Variants in POLD1 observed in about 807,000 individuals in gnomAD.
The protein encoded by POLD1 is DNA polymerase delta catalytic subunit.
POLD1 carries 79 observed loss-of-function variants against 129.7 expected under a neutral mutation model. The ratio of observed to expected loss-of-function variants is 0.61; its 90% CI spans 0.51 to 0.73. POLD1 has a LOEUF of 0.73. Among genes scored for constraint, POLD1 ranks in the 30% least tolerant of loss-of-function variants. The pLI is 0.00. For synonymous variants in POLD1, 714 were observed against 683.3 expected, an observed-to-expected ratio of 1.04 and a Z score of -0.70; for missense variants, 1,338 against 1,595.8, an observed-to-expected ratio of 0.84 and a Z score of 2.75.
At chr19:50,411,253 A>C (rs1350139347) in intron 17 of POLD1, among the ~76,000 whole-genome samples, 1 of 152,202 alleles carries the variant, frequency 6.6e-6, no homozygotes, top group Non-Finnish European at 1.5e-5. Flanking sequence ...GCACAAAGTG[A>C]ATCGCTCACT....
At chr19:50,403,982 G>A (rs904988624) in intron 10 of POLD1, among the ~76,000 whole-genome samples, 4 of 152,144 alleles carry the variant, frequency 2.6e-5, no homozygotes, top group Admixed American at 2.6e-4. Flanking sequence ...GCAAATTCCG[G>A]ATGCTTCTTG....
chr19:50,391,873 A>G (rs1229941033), intron 1 of POLD1, among the ~76,000 whole-genome samples: 1 of 150,460 alleles, frequency 6.6e-6, no homozygotes. Flanking sequence ...CCACCATGAC[A>G]AGCTAATTTT....
chr19:50,404,092 G>A (rs574330123), intron 10 of POLD1, among the ~76,000 whole-genome samples: 15 of 152,220 alleles, frequency 9.9e-5, no homozygotes, highest in South Asian at 4.1e-4. Context: ...TTGTCTCACC[G>A]TCCTGAAGGC....
chr19:50,411,072 G>A (rs530607446), intron 17 of POLD1: 5 of 150,016 alleles, frequency 3.3e-5, no homozygotes, highest in Non-Finnish European at 4.4e-5. Context: ...AGCCTCCCAC[G>A]TTAGCCTCCC....
intron 1 of POLD1, among the ~76,000 whole-genome samples, chr19:50,396,786 T>C (rs894362481): frequency 6.6e-6 from 1 of 152,090 alleles, no homozygotes; most frequent in African/African-American, 2.4e-5. Context: ...CAAAATAATC[T>C]TTTATAGGTT....
intron 1 of POLD1, among the ~76,000 whole-genome samples, chr19:50,389,096 G>A (rs1231524260): frequency 1.3e-5 from 2 of 151,122 alleles, no homozygotes; most frequent in Non-Finnish European, 2.9e-5. Flanking sequence ...CTCCCAGAGT[G>A]CTGGGATTAC....
rs368098948 is a variant in POLD1, at chr19:50,411,911, A to G, written c.2155-1515A>G. Among the ~76,000 whole-genome samples the G allele has an allele frequency of 9.2e-5, 14 of 152,110 alleles. No individual in the cohort carries two copies. The East Asian group carries it at 2.5e-3, about 27-fold the overall frequency. ...CAACACTTTGTGACACTGAGGAGGGAGGATCACTTGAGGCCAGGGGTTTAA... is the reference window on the plus strand; with the variant it reads ...CAACACTTTGTGACACTGAGGAGGGGGGATCACTTGAGGCCAGGGGTTTAA... On this transcript the variant is annotated intron_variant, in intron 17 of 26. Transcript: ENST00000440232.
rs1057519693 is a variant in POLD1 at position 50,416,691 on chromosome 19, G to A, written c.3035G>A (p.Cys1012Tyr). 2 of 1,546,668 alleles carry A rather than the reference G, an allele frequency of 1.3e-6. No individual in the cohort carries two copies. Among genetic ancestry groups the A allele is most frequent in the Non-Finnish European group, 1.7e-6 (2 of 1,150,720 alleles). The stretch of plus-strand genomic sequence containing the variant: ...GCCTTCGCCAAACGCCGCAACTGCT[G>A]CATTGGCTGCCGCACAGTGCTCAGC... ...LLAFAKRRNCCIGCRTVLSHQ... is the reference protein window; with the variant it reads ...LLAFAKRRNCYIGCRTVLSHQ... The change falls in exon 24 of 27, where the codon TGC (cysteine) becomes TAC (tyrosine). Residue 1012 changes from cysteine (C) to tyrosine (Y), a missense_variant. By Grantham distance (194) the Cys-to-Tyr change is radical. Around this residue, in one of 3 missense-constraint regions of POLD1, gnomAD observed 286 missense variants for 277.5 expected, o/e 1.03. Transcript: ENST00000440232.
At chr19:50,416,007 C>T (rs985740092) in intron 22 of POLD1, 181 bp downstream of exon 22, 4 of 591,150 alleles carry the variant, frequency 6.8e-6, no homozygotes, top group Non-Finnish European at 1.2e-5. Flanking sequence ...TCTATTCTGA[C>T]CCCTCCCTTG....
At chr19:50,417,130 T>TGGGGAGGC (rs1241654820) in intron 25 of POLD1, 33 bp downstream of exon 25, 1 of 1,572,088 alleles carries the variant, frequency 6.4e-7, no homozygotes, top group East Asian at 2.3e-5. Context: ...AGGGGCCAGG[T>TGGGGAGGC]GGGGAGGCGG....
chr19:50,413,653 G>C (rs1004874353), intron 18 of POLD1, 89 bp from the exon 19 acceptor site: 1 of 1,544,076 alleles, frequency 6.5e-7, no homozygotes, highest in Non-Finnish European at 8.8e-7. Context: ...CTTGGGTCCC[G>C]TTGGCATTAG....
In POLD1 at chr19:50,409,739, G is replaced by A. The variant is rs1370878316; in HGVS notation, c.2154+73G>A. 1.4e-6 allele frequency: 2 copies of A among 1,475,090 alleles called. No homozygotes were observed. The highest frequency in any genetic ancestry group is 1.8e-6 in the Non-Finnish European group (2 of 1,092,750). The allele number at this position is 1,475,090 out of a possible 1,614,324, so 91.4% of individuals were successfully genotyped here. On this transcript the variant is annotated intron_variant, in intron 17 of 26. Coordinates refer to ENST00000440232, the MANE Select transcript of POLD1 (RefSeq NM_002691.4). This position sits in a 1 kb window ranked among gnomAD's most constrained non-coding sequence, Gnocchi z 5.8. ...TGTGTAGGAGACCAGGGCTCCATGT[G>A]GGGGACCTGTATCCAGAGGACTGGG...
In POLD1 at chr19:50,403,122, C is replaced by T. The variant is rs2230243; in HGVS notation, c.1040C>T (p.Pro347Leu). The T allele has an allele frequency of 7.0e-5, 109 of 1,563,104 alleles. No individual in the cohort carries two copies. The highest frequency in any genetic ancestry group is 1.2e-4 in the South Asian group (10 of 84,958). Residue 347 changes from proline (P) to leucine (L), a missense_variant, in exon 9 of 27, where the codon CCG becomes CTG. Around this residue, in one of 3 missense-constraint regions of POLD1, gnomAD observed 720 missense variants for 1,002.6 expected, o/e 0.72. Coordinates refer to ENST00000440232, the MANE Select transcript of POLD1 (RefSeq NM_002691.4). ...ICSLGLRWGE[P>L]EPFLRLALTL... Reference sequence around the variant, plus strand: ...TCGCTGGGCCTGCGCTGGGGGGAGCCGGAGCCCTTCCTACGCCTGGCGCTC... The same window carrying T: ...TCGCTGGGCCTGCGCTGGGGGGAGCTGGAGCCCTTCCTACGCCTGGCGCTC...
Position 50,403,477 on chromosome 19 carries a change from G to A in POLD1, c.1138-16G>A. 1.3e-6 allele frequency: 2 copies of A among 1,584,852 alleles called. No individual in the cohort carries two copies. Among genetic ancestry groups the A allele is most frequent in the South Asian group, 1.1e-5 (1 of 90,534 alleles). ...AGGGCAACCACCAGGGTGACCCAATGTGCTCCCACCCCCAGGCCTGGTCCA... is the reference window on the plus strand; with the variant it reads ...AGGGCAACCACCAGGGTGACCCAATATGCTCCCACCCCCAGGCCTGGTCCA... On this transcript the variant is annotated splice_polypyrimidine_tract_variant and intron_variant, in intron 9 of 26. Coordinates refer to ENST00000440232, the MANE Select transcript of POLD1 (RefSeq NM_002691.4).
chr19:50,385,317 G>C (rs768033248), intron 1 of POLD1, among the ~76,000 whole-genome samples: 1 of 152,154 alleles, frequency 6.6e-6, no homozygotes, highest in Non-Finnish European at 1.5e-5. Context: ...GCAAGGGGAA[G>C]AGTCCAGGAT....
intron 1 of POLD1, among the ~76,000 whole-genome samples, chr19:50,395,508 C>A (rs915396962): frequency 6.6e-6 from 1 of 151,426 alleles, no homozygotes; most frequent in African/African-American, 2.4e-5. Context: ...GGCGTGAACC[C>A]GGGAGGCGGA....
intron 10 of POLD1, among the ~76,000 whole-genome samples, chr19:50,404,247 G>A (rs1281995467): frequency 1.3e-5 from 2 of 151,194 alleles, no homozygotes. Flanking sequence ...GTGCGTGTCT[G>A]TTTCCACATG....
chr19:50,403,981 G>A (rs973911317), intron 10 of POLD1, among the ~76,000 whole-genome samples: 9 of 152,252 alleles, frequency 5.9e-5, no homozygotes, highest in Non-Finnish European at 2.9e-5. Flanking sequence ...GGCAAATTCC[G>A]GATGCTTCTT....
At chr19:50,414,681 AC>A (rs1456849749) in intron 19 of POLD1, 133 bp from the exon 20 acceptor site, 1 of 661,424 alleles carries the variant, frequency 1.5e-6, no homozygotes, top group African/African-American at 1.9e-5. Context: ...GGTCCATCCC[AC>A]CAGGCTCAGG....
Sources: gnomAD v4.1 joint callset for allele counts (sites outside exome capture counted in the v4.1 genomes callset) on GRCh38, gnomAD v4.1.1 for gene constraint, gnomAD v4.1.1 regional missense constraint, Gnocchi (gnomAD v3.1) non-coding constraint, MANE v1.5 for transcripts, NCBI Gene and HGNC (gene_info 2026-07-23, HGNC 2026-07-21) for gene names.